Variants in RAB33B observed in about 807,000 individuals in gnomAD.
RAB33B encodes the protein ras-related protein Rab-33B.
Under a neutral mutation model 15.0 loss-of-function variants are expected in RAB33B, and 6 were observed. That is an observed-to-expected ratio of 0.40 (90% CI 0.22 to 0.79). RAB33B has a LOEUF of 0.79. RAB33B is among the 30% of genes least tolerant of loss of function. The pLI is 0.37. For missense variants in RAB33B, 257 were observed against 296.4 expected, an observed-to-expected ratio of 0.87 and a Z score of 0.98; for synonymous variants, 117 against 108.3, an observed-to-expected ratio of 1.08 and a Z score of -0.50.
chr4:139,469,037 GTCT>G (rs1298953720), intron 1 of RAB33B, among the ~76,000 whole-genome samples: 1 of 152,070 alleles, frequency 6.6e-6, no homozygotes, highest in Non-Finnish European at 1.5e-5. Flanking sequence ...CCTTCAGGTA[GTCT>G]TCTTTGGGTT....
At chr4:139,444,454 G>C in the RAB33B span, among the ~76,000 whole-genome samples, 13 of 152,238 alleles carry the variant, frequency 8.5e-5, no homozygotes, top group South Asian at 2.7e-3. Context: ...CAGTCCCCTT[G>C]AGGAAGGACC....
At chr4:139,470,933 C>CCCTCT (rs552278329) in intron 1 of RAB33B, among the ~76,000 whole-genome samples, 170 of 152,188 alleles carry the variant, frequency 1.1e-3, no homozygotes, top group Middle Eastern at 6.8e-3. Flanking sequence ...CCCCACTCTT[C>CCCTCT]CCTCTCCTCT....
chr4:139,459,377 A>G (rs956569113), intron 1 of RAB33B, among the ~76,000 whole-genome samples: 3 of 152,138 alleles, frequency 2.0e-5, no homozygotes, highest in Admixed American at 6.6e-5. Context: ...TGGAGGCTCT[A>G]GTAAGCCATG....
In RAB33B at chr4:139,472,865, G is replaced by A. The variant is rs761588265; in HGVS notation, c.429G>A (p.Arg143=). The change falls in exon 2 of 2, where the codon CGG becomes CGA. Residue 143 remains arginine (R), a synonymous_variant. Coordinates refer to ENST00000305626, the MANE Select transcript of RAB33B (RefSeq NM_031296.3). The part of the protein sequence containing the change: ...KQHLLANDIP[R]ILVGNKCDLR... Reference sequence around the variant, plus strand: ...ATTTGCTAGCCAATGATATACCACGGATTCTTGTTGGAAATAAATGTGACT... The same window carrying A: ...ATTTGCTAGCCAATGATATACCACGAATTCTTGTTGGAAATAAATGTGACT... 5.6e-6 allele frequency: 9 copies of A among 1,614,046 alleles called. No homozygotes were observed. The highest frequency in any genetic ancestry group is 5.9e-6 in the Non-Finnish European group (7 of 1,180,044).
chr4:139,439,545 A>AGATATT, the RAB33B span, among the ~76,000 whole-genome samples: 1 of 152,180 alleles, frequency 6.6e-6, no homozygotes, highest in African/African-American at 2.4e-5. Flanking sequence ...TGAACTTCTT[A>AGATATT]GATATTCATA....
intron 1 of RAB33B, among the ~76,000 whole-genome samples, chr4:139,461,423 T>A (rs1170458818): frequency 3.3e-5 from 5 of 152,202 alleles, no homozygotes; most frequent in Non-Finnish European, 7.4e-5. Context: ...TGGCCTTGGG[T>A]GAATTACTTA....
At chr4:139,459,631 C>T (rs1399916325) in intron 1 of RAB33B, among the ~76,000 whole-genome samples, 18 of 142,654 alleles carry the variant, frequency 1.3e-4, no homozygotes, top group South Asian at 2.2e-4. Context: ...TAGTTCAGTT[C>T]TTTTTTTTTT....
intron 1 of RAB33B, among the ~76,000 whole-genome samples, chr4:139,463,072 G>A (rs897566218): frequency 6.6e-6 from 1 of 152,196 alleles, no homozygotes; most frequent in Non-Finnish European, 1.5e-5. Context: ...AGGCTGAAGT[G>A]GGAGGATTAC....
At chr4:139,469,073 C>T (rs551828492) in intron 1 of RAB33B, among the ~76,000 whole-genome samples, 66 of 152,218 alleles carry the variant, frequency 4.3e-4, no homozygotes, top group Non-Finnish European at 6.8e-4. Flanking sequence ...TGTTCTATAA[C>T]TTTCTTATAC....
At chr4:139,468,328 C>A (rs1376561124) in intron 1 of RAB33B, among the ~76,000 whole-genome samples, 1 of 152,188 alleles carries the variant, frequency 6.6e-6, no homozygotes, top group African/African-American at 2.4e-5. Context: ...GTCCCTCCCA[C>A]AACACGTGGG....
chr4:139,458,293 TA>T (rs1383832831), intron 1 of RAB33B, among the ~76,000 whole-genome samples: 2 of 152,110 alleles, frequency 1.3e-5, no homozygotes, highest in Non-Finnish European at 2.9e-5. Flanking sequence ...CTTTTTTTTT[TA>T]ACACGTTTAT....
intron 1 of RAB33B, among the ~76,000 whole-genome samples, chr4:139,465,675 C>G (rs1323901413): frequency 6.6e-6 from 1 of 151,438 alleles, no homozygotes; most frequent in African/African-American, 2.4e-5. Flanking sequence ...TTTAGTCAGT[C>G]TCATCTAAAA....
chr4:139,456,977 T>C (rs983777637), intron 1 of RAB33B, among the ~76,000 whole-genome samples: 7 of 152,244 alleles, frequency 4.6e-5, no homozygotes, highest in African/African-American at 1.7e-4. Context: ...TAGCCTGATC[T>C]AAAATGACAT....
upstream of RAB33B, chr4:139,450,933 T>C (rs4863498): frequency 0.27 from 40,803 of 149,478 alleles, 6,004 homozygotes; most frequent in African/African-American, 0.37. Flanking sequence ...CACAGTCTTG[T>C]TCTTGTCCCC....
intron 1 of RAB33B, among the ~76,000 whole-genome samples, chr4:139,458,124 C>T (rs565100991): frequency 6.6e-6 from 1 of 152,136 alleles, no homozygotes; most frequent in South Asian, 2.1e-4. Context: ...ATATTATATT[C>T]TCCATTATGT....
At chr4:139,439,818 T>C in the RAB33B span, among the ~76,000 whole-genome samples, 1 of 152,200 alleles carries the variant, frequency 6.6e-6, no homozygotes, top group African/African-American at 2.4e-5. Context: ...TGAATCCCTC[T>C]TGTGAATTTT....
intron 1 of RAB33B, among the ~76,000 whole-genome samples, chr4:139,463,947 T>C (rs1750222659): frequency 1.3e-5 from 2 of 152,254 alleles, no homozygotes; most frequent in South Asian, 2.1e-4. Flanking sequence ...TGCCTCATTA[T>C]TAGTTACGTT....
the RAB33B span, among the ~76,000 whole-genome samples, chr4:139,439,326 T>A: frequency 5.3e-5 from 8 of 152,208 alleles, no homozygotes; most frequent in Admixed American, 5.2e-4. Flanking sequence ...ATTGATAGAC[T>A]AAATTTTTTC....
chr4:139,446,110 C>T, the RAB33B span, among the ~76,000 whole-genome samples: 3 of 152,144 alleles, frequency 2.0e-5, no homozygotes, highest in African/African-American at 4.8e-5. Context: ...TGATCAGGCT[C>T]GAGCAGGTCC....
Sources: allele counts gnomAD v4.1 joint callset (sites outside exome capture counted in the v4.1 genomes callset), GRCh38; gene constraint gnomAD v4.1.1; transcripts MANE v1.5; gene names NCBI Gene and HGNC (gene_info 2026-07-23, HGNC 2026-07-21).